TMEM132D: variants seen among roughly 807,000 people sequenced by gnomAD.
TMEM132D encodes mature OL transmembrane protein.
TMEM132D carries 21 observed loss-of-function variants against 62.3 expected under a neutral mutation model. The ratio of observed to expected loss-of-function variants is 0.34; its 90% CI spans 0.24 to 0.49. The LOEUF is 0.49. TMEM132D is among the 20% of genes least tolerant of loss of function. The probability of loss-of-function intolerance (pLI) is 0.99; values close to 1 mark genes in which losing one functional copy is unlikely to be tolerated. For missense variants in TMEM132D, 1,346 were observed against 1,402.8 expected, an observed-to-expected ratio of 0.96 and a Z score of 0.65; for synonymous variants, 621 against 575.6, an observed-to-expected ratio of 1.08 and a Z score of -1.13.
chr12:129,645,304 C>T (rs12300256), intron 2 of TMEM132D, among the ~76,000 whole-genome samples: 36,684 of 152,038 alleles, frequency 0.24, 4,788 homozygotes, highest in African/African-American at 0.33. Flanking sequence ...ATCTGTCTTG[C>T]CCCTCAACCT....
chr12:129,527,371 G>A (rs1046057732), intron 3 of TMEM132D, among the ~76,000 whole-genome samples: 5 of 152,108 alleles, frequency 3.3e-5, no homozygotes, highest in Non-Finnish European at 5.9e-5. Flanking sequence ...TACAAAAAAT[G>A]TAAAATCAGT....
At chr12:129,502,867 C>A (rs185551605) in intron 3 of TMEM132D, among the ~76,000 whole-genome samples, 46 of 152,260 alleles carry the variant, frequency 3.0e-4, no homozygotes, top group African/African-American at 1.1e-3. Context: ...GTTAGCTCTA[C>A]CCCAAGAAAA....
chr12:129,227,282 A>T (rs1301219707), intron 4 of TMEM132D, among the ~76,000 whole-genome samples: 2 of 115,698 alleles, frequency 1.7e-5, no homozygotes, highest in Non-Finnish European at 3.8e-5. Flanking sequence ...AAAATCTGTC[A>T]TCTGTCCTGC....
intron 3 of TMEM132D, among the ~76,000 whole-genome samples, chr12:129,404,163 G>T (rs1278068675): frequency 6.6e-6 from 1 of 152,046 alleles, no homozygotes; most frequent in Non-Finnish European, 1.5e-5. Flanking sequence ...AGGCCATTTT[G>T]CATCGTTGTA....
At chr12:129,528,043 T>C (rs1210458356) in intron 3 of TMEM132D, among the ~76,000 whole-genome samples, 1 of 152,232 alleles carries the variant, frequency 6.6e-6, no homozygotes, top group Non-Finnish European at 1.5e-5. Context: ...ATACAAAATC[T>C]ATGACTCTCA....
intron 4 of TMEM132D, among the ~76,000 whole-genome samples, chr12:129,300,032 C>T (rs1167157903): frequency 6.6e-6 from 1 of 152,082 alleles, no homozygotes; most frequent in South Asian, 2.1e-4. Context: ...AGAAATAAAC[C>T]TCACACCTTT....
intron 3 of TMEM132D, among the ~76,000 whole-genome samples, chr12:129,409,901 T>G (rs1871913367): frequency 6.6e-6 from 1 of 152,204 alleles, no homozygotes. Flanking sequence ...TAGCAGAGAC[T>G]CTGCTTGATG....
At chr12:129,606,411 G>C (rs576780837) in intron 2 of TMEM132D, among the ~76,000 whole-genome samples, 1 of 152,228 alleles carries the variant, frequency 6.6e-6, no homozygotes, top group Non-Finnish European at 1.5e-5. Flanking sequence ...AGAGTCTGCC[G>C]CAGCCCCGGA....
intron 3 of TMEM132D, among the ~76,000 whole-genome samples, chr12:129,420,998 G>A (rs1332031649): frequency 1.5e-5 from 2 of 134,008 alleles, no homozygotes; most frequent in Non-Finnish European, 3.1e-5. Context: ...GTCTCGCTCT[G>A]TTACCCAGGC....
chr12:129,209,893 C>T, intron 4 of TMEM132D: 1 of 549,742 alleles, frequency 1.8e-6, no homozygotes, highest in Admixed American at 3.2e-5. Context: ...GGGTGGAGGA[C>T]AGAAAAGGTG....
intron 4 of TMEM132D, among the ~76,000 whole-genome samples, chr12:129,215,871 A>G (rs143296628): frequency 6.6e-6 from 1 of 152,328 alleles, no homozygotes; most frequent in Non-Finnish European, 1.5e-5. Flanking sequence ...AAGGAGAGCC[A>G]AGTGAAAGGG....
intron 5 of TMEM132D, among the ~76,000 whole-genome samples, chr12:129,184,326 A>T (rs1258702588): frequency 6.6e-6 from 1 of 152,220 alleles, no homozygotes; most frequent in Non-Finnish European, 1.5e-5. Context: ...ACCTTCCAAG[A>T]GGGCCTGCCT....
Position 129,469,427 on chromosome 12 carries a change from A to AG in TMEM132D, c.1115+61631dup, listed in dbSNP as rs199808344. Among the ~76,000 whole-genome samples the AG allele has an allele frequency of 9.7e-4, 148 of 152,260 alleles. 1 individual carries two copies. In the East Asian group the frequency reaches 0.024, roughly 25 times the overall value. On this transcript the variant is annotated intron_variant, in intron 3 of 8. Transcript: ENST00000422113. ...ATAACTACTGAATCAGAAATTCTGG[A>AG]GGGGGGGCCAGCCATCTGTGTTTTA...
At chr12:129,082,860 G>T (rs1266565279) in intron 6 of TMEM132D, among the ~76,000 whole-genome samples, 1 of 152,122 alleles carries the variant, frequency 6.6e-6, no homozygotes, top group Non-Finnish European at 1.5e-5. Context: ...CTCCTGAATA[G>T]CTTGGACTAC....
intron 2 of TMEM132D, among the ~76,000 whole-genome samples, chr12:129,605,604 T>TATATATATATATATATATATATACAC (rs150550863): frequency 2.0e-4 from 21 of 106,270 alleles, no homozygotes; most frequent in African/African-American, 7.0e-4. Context: ...TATATATATA[T>TATATATATATATATATATATATACAC]ACACACACAT....
At chr12:129,855,199 T>G (rs1177717307) in intron 1 of TMEM132D, among the ~76,000 whole-genome samples, 60 of 58,422 alleles carry the variant, frequency 1.0e-3, no homozygotes, top group African/African-American at 4.1e-3. Flanking sequence ...GCTGCCCTTG[T>G]AACAGAGTCC....
At chr12:129,614,660 T>G (rs1285477637) in intron 2 of TMEM132D, among the ~76,000 whole-genome samples, 1 of 152,126 alleles carries the variant, frequency 6.6e-6, no homozygotes, top group Non-Finnish European at 1.5e-5. Flanking sequence ...AGAGTCCAGA[T>G]AAACAGAAGA....
In TMEM132D at chr12:129,269,590, G is replaced by A. The variant is rs544355135; in HGVS notation, c.1300-59927C>T. 2.1e-4 allele frequency among the ~76,000 whole-genome samples: 32 copies of A among 152,272 alleles called. 1 individual carries two copies. Among genetic ancestry groups the A allele is most frequent in the African/African-American group, 6.3e-4 (26 of 41,556 alleles). On this transcript the variant is annotated intron_variant, in intron 4 of 8. Transcript: ENST00000422113. ...GATGTGAGGTACGTTCACGGAGGCC[G>A]TGGTAGTGAGAGACAGAACTGGGAG...
intron 2 of TMEM132D, among the ~76,000 whole-genome samples, chr12:129,667,231 CCAGA>C (rs764976637): frequency 2.6e-5 from 4 of 152,100 alleles, no homozygotes; most frequent in African/African-American, 9.7e-5. Context: ...CTAATTAAAA[CCAGA>C]CAGAGATATA....
Sources: gnomAD v4.1 joint callset for allele counts (sites outside exome capture counted in the v4.1 genomes callset) on GRCh38, gnomAD v4.1.1 for gene constraint, MANE v1.5 for transcripts, NCBI Gene and HGNC (gene_info 2026-07-23, HGNC 2026-07-21) for gene names.